The following MBNL1 variants were observed in gnomAD, a reference collection of about 807,000 sequenced individuals.
MBNL1 encodes muscleblind like splicing regulator 1.
In MBNL1, 8 loss-of-function variants were observed where a neutral mutation model predicts 42.2. The ratio of observed to expected loss-of-function variants is 0.19; its 90% confidence interval spans 0.11 to 0.34. MBNL1 has a LOEUF of 0.34. Among genes scored for constraint, MBNL1 ranks in the 10% least tolerant of loss-of-function variants. The probability of loss-of-function intolerance (pLI) is 1.00; values close to 1 mark genes in which losing one functional copy is unlikely to be tolerated. For missense variants in MBNL1, 309 were observed against 495.3 expected (o/e 0.62, Z 3.57); for synonymous variants, 169 against 173.9 (o/e 0.97, Z 0.22).
At chr3:152,298,926 C>G (rs1437074360) in intron 1 of MBNL1, 3 of 152,242 alleles carry the variant, frequency 2.0e-5, no homozygotes, top group African/African-American at 7.2e-5. Flanking sequence ...TAATGATCTT[C>G]AAGTGCTTAG....
chr3:152,319,967 C>T (rs995106066), intron 2 of MBNL1, among the ~76,000 whole-genome samples: 5 of 152,162 alleles, frequency 3.3e-5, no homozygotes, highest in Admixed American at 1.3e-4. Context: ...GCATTTCCTT[C>T]CTTTTTATGT....
At chr3:152,431,050 A>G (rs920094104) in intron 3 of MBNL1, among the ~76,000 whole-genome samples, 20 of 152,250 alleles carry the variant, frequency 1.3e-4, no homozygotes, top group Non-Finnish European at 1.3e-4. Context: ...GTTAGTAAAA[A>G]TGTATAGCTA....
chr3:152,343,660 G>A (rs947760804), intron 2 of MBNL1, among the ~76,000 whole-genome samples: 1 of 152,102 alleles, frequency 6.6e-6, no homozygotes, highest in Non-Finnish European at 1.5e-5. Flanking sequence ...GGGTGCCATG[G>A]AGCTGAGGGT....
chr3:152,256,978 C>A (rs1559938152), intron 2 of MBNL1, among the ~76,000 whole-genome samples: 1 of 152,116 alleles, frequency 6.6e-6, no homozygotes, highest in Non-Finnish European at 1.5e-5. Flanking sequence ...GTGCTCCTGG[C>A]AACCTCCAAA....
intron 2 of MBNL1, among the ~76,000 whole-genome samples, chr3:152,329,794 C>T (rs1391945872): frequency 1.3e-5 from 2 of 148,534 alleles, no homozygotes; most frequent in African/African-American, 4.9e-5. Flanking sequence ...CTTTTACTTT[C>T]AAGTGATGGA....
intron 2 of MBNL1, among the ~76,000 whole-genome samples, chr3:152,330,984 C>T (rs17435013): frequency 0.12 from 18,123 of 152,082 alleles, 1,241 homozygotes; most frequent in Middle Eastern, 0.18. Context: ...TGCAGTGCTT[C>T]CATGGCTTGC....
rs570916578 is a variant in MBNL1, at chr3:152,457,365, A to C, written c.1092+1004A>C. 2.6e-5 allele frequency among the ~76,000 whole-genome samples: 4 copies of C among 152,248 alleles called. No individual in the cohort carries two copies. The South Asian group carries it at 8.3e-4, about 32-fold the overall frequency. Reference sequence around the variant, plus strand: ...AATGAATCTCAAAAGAATGAGTGTCAGATGAAAATGAACATGTTCCCCCTT... The same window carrying C: ...AATGAATCTCAAAAGAATGAGTGTCCGATGAAAATGAACATGTTCCCCCTT... On this transcript the variant is annotated intron_variant, in intron 8 of 9. Coordinates refer to ENST00000324210, the MANE Select transcript of MBNL1 (RefSeq NM_021038.5).
At chr3:152,340,781 C>T in intron 2 of MBNL1, 1 of 1,614,012 alleles carries the variant, frequency 6.2e-7, no homozygotes, top group South Asian at 1.1e-5. Flanking sequence ...AAGAAGAATC[C>T]AGCAGAAGGG....
chr3:152,365,903 T>G (rs2096332383), intron 2 of MBNL1, among the ~76,000 whole-genome samples: 1 of 152,108 alleles, frequency 6.6e-6, no homozygotes, highest in Non-Finnish European at 1.5e-5. Context: ...GGAAGATATT[T>G]TTGGACTTAG....
chr3:152,453,879 A>G (rs1728448943), intron 6 of MBNL1, among the ~76,000 whole-genome samples: 1 of 152,202 alleles, frequency 6.6e-6, no homozygotes, highest in South Asian at 2.1e-4. Flanking sequence ...GCCTAATAAT[A>G]AATAATTGAA....
rs1328477128 is a variant in MBNL1 at position 152,335,125 on chromosome 3, ATGT to A, written c.174+34763_174+34765del. 3.1e-6 allele frequency: 4 copies of A among 1,288,846 alleles called. No homozygotes were observed. In the African/African-American group the frequency reaches 6.1e-5, roughly 20 times the overall value. 79.8% of individuals were successfully genotyped at this position (1,288,846 alleles called of 1,614,324 possible). ...TGGTGCTGCAGCAGTCACTCAGGAA[ATGT>A]TGTTTAAGGGGAACCTTCTGGATCC... On this transcript the variant is annotated intron_variant, in intron 2 of 9. Coordinates refer to ENST00000324210, the MANE Select transcript of MBNL1 (RefSeq NM_021038.5).
intron 2 of MBNL1, among the ~76,000 whole-genome samples, chr3:152,405,359 C>A (rs1157903035): frequency 6.6e-6 from 1 of 152,104 alleles, no homozygotes; most frequent in Non-Finnish European, 1.5e-5. Flanking sequence ...TTACAAACAA[C>A]CCTTCCCAGT....
Position 152,244,619 on chromosome 3 carries a change from C to A in MBNL1, n.333+179C>A, listed in dbSNP as rs542373502. Among the ~76,000 whole-genome samples, 33 of 152,260 alleles carry A rather than the reference C, an allele frequency of 2.2e-4. No homozygotes were observed. The East Asian group carries it at 5.4e-3, about 25-fold the overall frequency. On this transcript the variant is annotated intron_variant and non_coding_transcript_variant, in intron 2 of 2. Coordinates refer to the MBNL1 transcript ENST00000477171. ...ATTTACAAAGCTTCAGCTTCACATA[C>A]AAGCTTTTAAAAACCTGGAAAAATT...
chr3:152,256,161 T>C (rs2149454581), intron 2 of MBNL1, among the ~76,000 whole-genome samples: 1 of 152,278 alleles, frequency 6.6e-6, no homozygotes, highest in East Asian at 1.9e-4. Context: ...AATTACTACA[T>C]AGGTAAAAGT....
intron 2 of MBNL1, among the ~76,000 whole-genome samples, chr3:152,359,045 A>G (rs1363454168): frequency 6.6e-6 from 1 of 152,242 alleles, no homozygotes; most frequent in Non-Finnish European, 1.5e-5. Flanking sequence ...CTTATGAACA[A>G]TGACTAATTA....
At chr3:152,375,463 T>C (rs2096856660) in intron 2 of MBNL1, among the ~76,000 whole-genome samples, 1 of 152,114 alleles carries the variant, frequency 6.6e-6, no homozygotes, top group Non-Finnish European at 1.5e-5. Context: ...ATAATAAAGA[T>C]TTAGATCTGG....
intron 1 of MBNL1, among the ~76,000 whole-genome samples, chr3:152,276,854 A>G (rs1025278144): frequency 4.6e-5 from 7 of 152,160 alleles, no homozygotes; most frequent in Admixed American, 4.6e-4. Flanking sequence ...AGAATGAAGT[A>G]GAGATTGTGG....
intron 2 of MBNL1, among the ~76,000 whole-genome samples, chr3:152,385,197 T>C (rs556481165): frequency 6.6e-6 from 1 of 152,144 alleles, no homozygotes; most frequent in African/African-American, 2.4e-5. Flanking sequence ...TTAAAAAATA[T>C]GCCTTTTAAA....
In MBNL1 at chr3:152,443,192, A is replaced by C. The variant is rs59897096; in HGVS notation, c.550-2090A>C. 2.3e-3 allele frequency among the ~76,000 whole-genome samples: 257 copies of C among 109,774 alleles called. 1 individual carries two copies. Among genetic ancestry groups the C allele is most frequent in the East Asian group, 0.014 (39 of 2,838 alleles). 72.0% of individuals were successfully genotyped at this position (109,774 alleles called of 152,430 possible). A position where few individuals can be genotyped will look rare whatever the true frequency, so the allele number is the denominator to read the frequency against. Reference sequence around the variant, plus strand: ...TTAACCTGTAGAAACCCCCCCCCCCACACACACACACATGCAAATACATAC... The same window carrying C: ...TTAACCTGTAGAAACCCCCCCCCCCCCACACACACACATGCAAATACATAC... On this transcript the variant is annotated intron_variant, in intron 4 of 9. Coordinates refer to ENST00000324210, the MANE Select transcript of MBNL1 (RefSeq NM_021038.5).
Sources: gnomAD v4.1 joint callset for allele counts (sites outside exome capture counted in the v4.1 genomes callset) on GRCh38, gnomAD v4.1.1 for gene constraint, MANE v1.5 for transcripts, NCBI Gene and HGNC (gene_info 2026-07-23, HGNC 2026-07-21) for gene names.